Variants in TNNT2 observed in about 807,000 individuals in gnomAD.
The protein encoded by TNNT2 is troponin T2, cardiac type, also known as troponin T, cardiac muscle.
In TNNT2, 34 loss-of-function variants were observed where a neutral mutation model predicts 62.4. That is an observed-to-expected ratio of 0.54 (90% confidence interval 0.41 to 0.72). TNNT2 has a LOEUF of 0.72. Among genes scored for constraint, TNNT2 ranks in the 30% least tolerant of loss-of-function variants. The pLI is 0.00. For synonymous variants in TNNT2, 123 were observed against 127.2 expected, an observed-to-expected ratio of 0.97 and a Z score of 0.22; for missense variants, 275 against 381.9, an observed-to-expected ratio of 0.72 and a Z score of 2.33.
rs772939790 is a variant in TNNT2 at position 201,377,674 on chromosome 1, G to A, written c.-66C>T. ...CTGGAGGCGTCTGCTCAGTCTCAGC[G>A]GGGACTGGGTGAGGCAGAGGATGGA... On this transcript the variant is annotated 5_prime_UTR_variant, in exon 1 of 17. Transcript: ENST00000656932. 3.1e-5 allele frequency: 14 copies of A among 456,102 alleles called. No homozygotes were observed. The highest frequency in any genetic ancestry group is 2.0e-5 in the African/African-American group (1 of 50,038). The allele number at this position is 456,102 out of a possible 1,614,324, so 28.3% of individuals were successfully genotyped here.
At chr1:201,367,013 T>A in intron 7 of TNNT2, 142 bp from the exon 8 acceptor site, 1 of 1,368,040 alleles carries the variant, frequency 7.3e-7, no homozygotes, top group Non-Finnish European at 1.0e-6. Flanking sequence ...GAGCCCTGAT[T>A]CCAGAAGCAT....
chr1:201,365,123 C>A, intron 10 of TNNT2, 68 bp downstream of exon 10: 2 of 1,341,014 alleles, frequency 1.5e-6, no homozygotes, highest in Non-Finnish European at 2.1e-6. Flanking sequence ...GGAGGTGGGG[C>A]CTCACAAAAG....
intron 12 of TNNT2, 33 bp downstream of exon 12, chr1:201,363,263 A>G (rs781442543): frequency 3.1e-6 from 5 of 1,613,194 alleles, no homozygotes; most frequent in African/African-American, 1.3e-5. Flanking sequence ...CTATACTAGG[A>G]TCTCCTGGCA....
intron 16 of TNNT2, 58 bp from the exon 17 acceptor site, chr1:201,359,313 T>C (rs1571587614): frequency 6.3e-7 from 1 of 1,586,274 alleles, no homozygotes; most frequent in East Asian, 2.3e-5. Flanking sequence ...TAGGTCACCA[T>C]GCGGCTGGGG....
chr1:201,365,213 A>G lies in TNNT2; in HGVS notation c.389T>C (p.Leu130Pro). ...FENRKKEEEE[L>P]VSLKDRIERR... ...TACGATCCTGTCTTTGAGAGAAACG[A>G]GCTCCTCCTCCTCTTTCTTCCTGTT... The change falls in exon 10 of 17, where the codon CTC (leucine) becomes CCC (proline). Residue 130 changes from leucine (L) to proline (P), a missense_variant. Physicochemically the swap from Leu to Pro is moderately conservative, Grantham distance 98. Transcript: ENST00000656932. The G allele has an allele frequency of 6.2e-7, 1 of 1,614,020 alleles. No homozygotes were observed. Among genetic ancestry groups the G allele is most frequent in the Non-Finnish European group, 8.5e-7 (1 of 1,179,916 alleles).
At position 201,363,371 on chromosome 1, in the gene TNNT2, C is replaced by T; in HGVS notation, c.525G>A (p.Arg175=). The T allele has an allele frequency of 6.2e-7, 1 of 1,614,206 alleles. No homozygotes were observed. Among genetic ancestry groups the T allele is most frequent in the Non-Finnish European group, 8.5e-7 (1 of 1,180,050 alleles). ...TCCGGGCCTCATCCTCAGCCTTCCT[C>T]CTGTTCTCCTCCTCCTCTCGTCGAG... ...ERARREEEEN[R]RKAEDEARKK... Residue 175 remains arginine, a synonymous_variant, in exon 12 of 17, where the codon AGG becomes AGA. Transcript: ENST00000656932.
intron 4 of TNNT2, among the ~76,000 whole-genome samples, chr1:201,370,543 GGAA>G (rs987014129): frequency 3.9e-5 from 6 of 152,330 alleles, no homozygotes; most frequent in South Asian, 2.1e-4. Flanking sequence ...TTCCTCTCCT[GGAA>G]GAAGGACACC....
intron 9 of TNNT2, 87 bp downstream of exon 9, chr1:201,365,523 C>A: frequency 6.7e-7 from 1 of 1,482,748 alleles, no homozygotes; most frequent in Non-Finnish European, 9.4e-7. Context: ...ATGCTCTACC[C>A]CAGCCCAAGG....
chr1:201,372,978 A>T, intron 2 of TNNT2: 2 of 666,272 alleles, frequency 3.0e-6, no homozygotes, highest in Non-Finnish European at 5.5e-6. Context: ...GACACTGATG[A>T]CCCTGGAGCT....
At chr1:201,376,016 G>C (rs1331858973) in intron 1 of TNNT2, among the ~76,000 whole-genome samples, 2 of 152,230 alleles carry the variant, frequency 1.3e-5, no homozygotes, top group African/African-American at 4.8e-5. Context: ...ACCTGATGCA[G>C]GGGAAAGAGG....
chr1:201,371,658 A>G (rs1297153842), intron 4 of TNNT2, among the ~76,000 whole-genome samples: 1 of 150,996 alleles, frequency 6.6e-6, no homozygotes, highest in Non-Finnish European at 1.5e-5. Flanking sequence ...GACTGGCCCT[A>G]AGATGATGAT....
intron 12 of TNNT2, chr1:201,363,049 TG>T (rs1439478211): frequency 1.1e-6 from 1 of 930,998 alleles, no homozygotes; most frequent in East Asian, 1.2e-4. Context: ...GAGCCAGGCA[TG>T]GGGGGCACCA....
At chr1:201,372,333 C>A (rs1013859507) in intron 2 of TNNT2, among the ~76,000 whole-genome samples, 178 bp from the exon 3 acceptor site, 1 of 152,138 alleles carries the variant, frequency 6.6e-6, no homozygotes, top group African/African-American at 2.4e-5. Context: ...ACTAGCCTGG[C>A]CTGCCGTTCT....
intron 14 of TNNT2, 81 bp downstream of exon 14, chr1:201,361,832 C>T: frequency 7.6e-7 from 1 of 1,320,692 alleles, no homozygotes. Context: ...TCTGGTGGCT[C>T]ACAGCAAGAA....
intron 5 of TNNT2, 99 bp downstream of exon 5, chr1:201,369,717 C>G (rs1558242990): frequency 6.6e-7 from 1 of 1,509,232 alleles, no homozygotes; most frequent in East Asian, 2.3e-5. Context: ...CTGCCGCCTA[C>G]TCACACCCCC....
chr1:201,373,280 GA>G lies in TNNT2; in HGVS notation c.-14-13del. ...GGTCTCTGCTCTCCCTCCAAAAGGA[GA>G]AAAAAGTCAGTGCAGGTACAAAGGG... On this transcript the variant is annotated splice_polypyrimidine_tract_variant and intron_variant, in intron 1 of 16. Transcript: ENST00000656932. The G allele has an allele frequency of 1.2e-6, 2 of 1,613,826 alleles. No individual in the cohort carries two copies. The highest frequency in any genetic ancestry group is 1.3e-5 in the African/African-American group (1 of 75,044).
At position 201,373,206 on chromosome 1, in the gene TNNT2, A is replaced by G. The variant is rs1660916297; in HGVS notation, c.41+8T>C. 6.2e-7 allele frequency: 1 copy of G among 1,613,964 alleles called. No individual in the cohort carries two copies. The highest frequency in any genetic ancestry group is 1.3e-5 in the African/African-American group (1 of 74,898). On this transcript the variant is annotated splice_region_variant and intron_variant, in intron 2 of 16. Coordinates refer to ENST00000656932, the MANE Select transcript of TNNT2 (RefSeq NM_001276345.2). Reference sequence around the variant, plus strand: ...ACCCCACTCAGGCAAGATGCTCCAGATACTCACTCCTCCTCGTACTCTTCC... The same window carrying G: ...ACCCCACTCAGGCAAGATGCTCCAGGTACTCACTCCTCCTCGTACTCTTCC...
Position 201,366,900 on chromosome 1 carries a change from G to C in TNNT2, c.200-29C>G, listed in dbSNP as rs45449197. On this transcript the variant is annotated intron_variant, in intron 7 of 16. Coordinates refer to ENST00000656932, the MANE Select transcript of TNNT2 (RefSeq NM_001276345.2). ...GAGGAGATAGAAGCACACAGCCATG[G>C]GTCAGGGGGCCCCAGAAGTGGTCCC... is the stretch of plus-strand genomic sequence containing the variant. 4.9e-3 allele frequency: 7,921 copies of C among 1,614,100 alleles called. 289 individuals are homozygous for C. In the African/African-American group the frequency reaches 0.092, roughly 19 times the overall value.
At chr1:201,374,328 A>G (rs1661076572) in intron 1 of TNNT2, 1 of 152,194 alleles carries the variant, frequency 6.6e-6, no homozygotes, top group South Asian at 2.1e-4. Context: ...CACTGGGAAC[A>G]GATAATCTAG....
Sources: gnomAD v4.1 joint callset for allele counts (sites outside exome capture counted in the v4.1 genomes callset) on GRCh38, gnomAD v4.1.1 for gene constraint, MANE v1.5 for transcripts, NCBI Gene and HGNC (gene_info 2026-07-23, HGNC 2026-07-21) for gene names.